HEATR9: variants seen among roughly 807,000 people sequenced by gnomAD.
HEATR9 encodes protein HEATR9.
HEATR9 carries 54 observed loss-of-function variants against 68.2 expected under a neutral mutation model. The ratio of observed to expected loss-of-function variants is 0.79; its 90% CI spans 0.64 to 0.99. The LOEUF (loss-of-function observed/expected upper bound fraction) is 0.99. Among genes scored for constraint, HEATR9 ranks in the 50% least tolerant of loss-of-function variants. The probability of loss-of-function intolerance (pLI) is 0.00; values close to 1 mark genes in which losing one functional copy is unlikely to be tolerated. For synonymous variants in HEATR9, 241 were observed against 253.5 expected (o/e 0.95, Z 0.47); for missense variants, 662 against 679.7 (o/e 0.97, Z 0.29).
chr17:35,866,814 A>G (rs1192739800), intron 1 of HEATR9, 41 bp from the exon 2 acceptor site: 3 of 1,600,712 alleles, frequency 1.9e-6, no homozygotes, highest in South Asian at 2.2e-5. Context: ...TTCAAATGAG[A>G]TAGCAGTTGC....
At chr17:35,857,975 G>C (rs533095432) in intron 11 of HEATR9, among the ~76,000 whole-genome samples, 91 of 152,240 alleles carry the variant, frequency 6.0e-4, no homozygotes, top group African/African-American at 2.0e-3. Context: ...TGAATAGTAT[G>C]AGACAGTTTT....
At chr17:35,857,466 T>TA (rs1017340230) in intron 11 of HEATR9, among the ~76,000 whole-genome samples, 2 of 152,000 alleles carry the variant, frequency 1.3e-5, no homozygotes, top group African/African-American at 4.8e-5. Flanking sequence ...TCTTTAGAAA[T>TA]ATAACACCTA....
Position 35,854,993 on chromosome 17 carries a change from ATTG to A in HEATR9, c.*67_*69del. The A allele has an allele frequency of 7.9e-7, 1 of 1,270,168 alleles. No individual in the cohort carries two copies. The highest frequency in any genetic ancestry group is 1.1e-6 in the Non-Finnish European group (1 of 894,724). 78.7% of individuals were successfully genotyped at this position (1,270,168 alleles called of 1,614,324 possible). On this transcript the variant is annotated 3_prime_UTR_variant, in exon 15 of 15. Transcript: ENST00000604834. ...GTTTATTCACGGAAGATAAGTATAG[ATTG>A]TTTTCTCATGGGAGCCTGAGAAGCA... is the stretch of plus-strand genomic sequence containing the variant.
chr17:35,855,571 T>C (rs1261874541), intron 14 of HEATR9, 93 bp downstream of exon 14: 1 of 1,366,990 alleles, frequency 7.3e-7, no homozygotes, highest in Non-Finnish European at 1.0e-6. Flanking sequence ...GACCCTCTCC[T>C]CCTGACAAGG....
rs202240168 is a variant in HEATR9 at position 35,855,289 on chromosome 17, A to G, written c.1487T>C (p.Phe496Ser). The change falls in exon 15 of 15, where the codon TTC (phenylalanine) becomes TCC (serine). Residue 496 changes from phenylalanine to serine, a missense_variant. Physicochemically the swap from Phe to Ser is radical, Grantham distance 155. Coordinates refer to ENST00000604834, the MANE Select transcript of HEATR9 (RefSeq NM_152781.4). ...TTCTGGGTTCTCAGGCTCTTTCTGG[A>G]ACCTTGTGGGCTCTGCCTTCACATT... is the stretch of plus-strand genomic sequence containing the variant. ...KTNVKAEPTR[F>S]QKEPENPEEL... The G allele has an allele frequency of 3.1e-6, 5 of 1,614,178 alleles. No homozygotes were observed. The Admixed American group carries it at 8.3e-5, about 27-fold the overall frequency.
In HEATR9 at chr17:35,868,873, GAGGTAGA is replaced by G. The variant is rs2088304649; in HGVS notation, c.-138_-132del. The G allele has an allele frequency of 1.4e-6, 1 of 733,606 alleles. No homozygotes were observed. Among genetic ancestry groups the G allele is most frequent in the African/African-American group, 1.8e-5 (1 of 56,782 alleles). 45.4% of individuals were successfully genotyped at this position (733,606 alleles called of 1,614,324 possible). A position where few individuals can be genotyped will look rare whatever the true frequency, so the allele number is the denominator to read the frequency against. On this transcript the variant is annotated 5_prime_UTR_variant, in exon 1 of 15. Coordinates refer to ENST00000604834, the MANE Select transcript of HEATR9 (RefSeq NM_152781.4). Reference sequence around the variant, plus strand: ...TACAGGGGAGGTGTCTGGACTTCTGGAGGTAGAAGCTTCCAAGTGCTAAGCGACCAGG... The same window carrying G: ...TACAGGGGAGGTGTCTGGACTTCTGGAGCTTCCAAGTGCTAAGCGACCAGG...
At chr17:35,866,113 G>A (rs1407823935) in intron 2 of HEATR9, among the ~76,000 whole-genome samples, 1 of 152,120 alleles carries the variant, frequency 6.6e-6, no homozygotes, top group Non-Finnish European at 1.5e-5. Context: ...CAACAGGGAA[G>A]AGGGGCTTCA....
At chr17:35,861,386 T>C in intron 8 of HEATR9, 2 of 1,606,350 alleles carry the variant, frequency 1.2e-6, no homozygotes, top group South Asian at 1.1e-5. Flanking sequence ...GTAAGCTCTT[T>C]ACCAGCTGCT....
intron 1 of HEATR9, among the ~76,000 whole-genome samples, chr17:35,867,428 C>CAAAAAA (rs11315915): frequency 1.4e-3 from 55 of 40,090 alleles, no homozygotes; most frequent in East Asian, 4.2e-3. Context: ...GAGCAAGACT[C>CAAAAAA]AAAAAAAAAA....
At chr17:35,861,912 G>C (rs544785592) in intron 8 of HEATR9, among the ~76,000 whole-genome samples, 14 of 151,666 alleles carry the variant, frequency 9.2e-5, no homozygotes, top group African/African-American at 3.4e-4. Flanking sequence ...AGGCTGGAGT[G>C]CAATGGCGCG....
intron 7 of HEATR9, 26 bp from the exon 8 acceptor site, chr17:35,863,151 G>A: frequency 1.2e-6 from 2 of 1,612,668 alleles, no homozygotes; most frequent in Admixed American, 1.7e-5. Context: ...CCTCAAGTCA[G>A]GGCAGAGCCT....
chr17:35,861,127 T>G (rs2087975688), intron 8 of HEATR9: 1 of 1,258,510 alleles, frequency 7.9e-7, no homozygotes, highest in South Asian at 1.2e-5. Context: ...TACCATTTTC[T>G]CTTCCAACTG....
intron 8 of HEATR9, among the ~76,000 whole-genome samples, chr17:35,862,656 C>A (rs982576501): frequency 4.6e-5 from 7 of 152,142 alleles, no homozygotes; most frequent in African/African-American, 1.7e-4. Flanking sequence ...AATGCCATGC[C>A]CATAGTAAGT....
chr17:35,868,767 G>T lies in HEATR9; in HGVS notation c.-25C>A, dbSNP rs781642030. 1.2e-6 allele frequency: 2 copies of T among 1,611,034 alleles called. No individual in the cohort carries two copies. Among genetic ancestry groups the T allele is most frequent in the Non-Finnish European group, 1.7e-6 (2 of 1,177,282 alleles). ...TCTTCTTCTCCTGGTGGGGCCAGAG[G>T]GAACCTGCAGGGGGGAATACAAGGC... On this transcript the variant is annotated 5_prime_UTR_variant, in exon 1 of 15. Transcript: ENST00000604834.
chr17:35,864,727 T>A (rs1568326303), intron 4 of HEATR9, 31 bp downstream of exon 4: 1 of 1,611,344 alleles, frequency 6.2e-7, no homozygotes. Flanking sequence ...AGGGAGGGAG[T>A]CCCCCACGTC....
At chr17:35,856,896 G>C (rs960441076) in intron 11 of HEATR9, 91 bp from the exon 12 acceptor site, 2 of 1,204,378 alleles carry the variant, frequency 1.7e-6, no homozygotes, top group African/African-American at 3.0e-5. Context: ...CATTTCCTTT[G>C]TGCTATGTAG....
chr17:35,868,759 G>A lies in HEATR9; in HGVS notation c.-17C>T, dbSNP rs1475006220. On this transcript the variant is annotated 5_prime_UTR_variant, in exon 1 of 15. Transcript: ENST00000604834. ...ATAGGCCATCTTCTTCTCCTGGTGG[G>A]GCCAGAGGGAACCTGCAGGGGGGAA... 2.5e-6 allele frequency: 4 copies of A among 1,613,608 alleles called. No individual in the cohort carries two copies. In the East Asian group the frequency reaches 6.7e-5, roughly 27 times the overall value.
intron 5 of HEATR9, 72 bp downstream of exon 5, chr17:35,864,425 A>G (rs919374538): frequency 8.9e-6 from 14 of 1,566,584 alleles, no homozygotes; most frequent in African/African-American, 2.7e-5. Context: ...CATCACGTCA[A>G]GCAGCTTTTT....
intron 11 of HEATR9, among the ~76,000 whole-genome samples, chr17:35,857,895 A>C (rs769082298): frequency 6.6e-6 from 1 of 152,214 alleles, no homozygotes; most frequent in African/African-American, 2.4e-5. Context: ...TATCGTTGGG[A>C]TCGGTCTTGA....
Sources: gnomAD v4.1 joint callset for allele counts (sites outside exome capture counted in the v4.1 genomes callset) on GRCh38, gnomAD v4.1.1 for gene constraint, MANE v1.5 for transcripts, NCBI Gene and HGNC (gene_info 2026-07-23, HGNC 2026-07-21) for gene names.